RAI14: variants seen among roughly 807,000 people sequenced by gnomAD.
RAI14 encodes retinoic acid induced 14.
Under a neutral mutation model 115.4 loss-of-function variants are expected in RAI14, and 45 were observed. The ratio of observed to expected loss-of-function variants is 0.39; its 90% CI spans 0.31 to 0.50. The LOEUF is 0.50. Ranked by LOEUF, RAI14 falls within the 20% of genes least tolerant of loss-of-function variation. The pLI is 0.85. For synonymous variants in RAI14, 371 were observed against 415.4 expected, an observed-to-expected ratio of 0.89 and a Z score of 1.30; for missense variants, 939 against 1,131.2, an observed-to-expected ratio of 0.83 and a Z score of 2.44.
At chr5:34,755,231 C>T (rs998079246) in intron 2 of RAI14, among the ~76,000 whole-genome samples, 2 of 152,058 alleles carry the variant, frequency 1.3e-5, no homozygotes, top group African/African-American at 2.4e-5. Context: ...GTGTGAGGAA[C>T]GCCATATTTC....
At chr5:34,787,099 C>A (rs1463446619) in intron 3 of RAI14, among the ~76,000 whole-genome samples, 1 of 152,186 alleles carries the variant, frequency 6.6e-6, no homozygotes, top group African/African-American at 2.4e-5. Flanking sequence ...GTTCCTTACC[C>A]TCATTCCGGT....
rs192611966 is a variant in RAI14 at position 34,760,872 on chromosome 5, G to A, written c.167+3274G>A. ...TTCTAATCAACCCAAAGAAAACCCC[G>A]AACCCATTAGGGAGAAACTCCCCAA... On this transcript the variant is annotated intron_variant, in intron 3 of 17. Transcript: ENST00000265109. Among the ~76,000 whole-genome samples the A allele has an allele frequency of 3.1e-3, 468 of 152,070 alleles. 1 individual carries two copies. Among genetic ancestry groups the A allele is most frequent in the Non-Finnish European group, 4.4e-3 (297 of 67,984 alleles).
At chr5:34,661,969 T>A (rs1301243169) in intron 1 of RAI14, among the ~76,000 whole-genome samples, 4 of 152,218 alleles carry the variant, frequency 2.6e-5, no homozygotes. Context: ...TTTTACTTTT[T>A]ACAAAGACAA....
chr5:34,740,376 G>T (rs913326305), intron 2 of RAI14, among the ~76,000 whole-genome samples: 3 of 152,130 alleles, frequency 2.0e-5, no homozygotes, highest in African/African-American at 7.2e-5. Context: ...CCTGCTTTTG[G>T]TGATTTGTGT....
intron 1 of RAI14, among the ~76,000 whole-genome samples, chr5:34,667,005 A>G (rs898564846): frequency 5.3e-5 from 8 of 151,956 alleles, no homozygotes; most frequent in African/African-American, 1.9e-4. Context: ...GGTGGGAGGG[A>G]ATTCTTTTCA....
In RAI14 at chr5:34,686,937, G is replaced by A. The variant is rs570877286; in HGVS notation, c.18G>A (p.Ala6=). 33 of 1,613,648 alleles carry A rather than the reference G, an allele frequency of 2.0e-5. No individual in the cohort carries two copies. The highest frequency in any genetic ancestry group is 2.5e-5 in the Non-Finnish European group (30 of 1,179,850). The change falls in exon 2 of 18, where the codon GCG becomes GCA. Residue 6 remains alanine, a synonymous_variant. Transcript: ENST00000265109. ...CACTAAACATGAAGAGCTTGAAAGC[G>A]AAGTTCAGGAAGAGTGACGTGAGTA... MKSLK[A]KFRKSDTNEW...
At chr5:34,743,468 T>A (rs1388826733) in intron 2 of RAI14, among the ~76,000 whole-genome samples, 1 of 152,212 alleles carries the variant, frequency 6.6e-6, no homozygotes, top group Non-Finnish European at 1.5e-5. Context: ...AATAATTTAA[T>A]CTCTAGAACC....
At chr5:34,678,978 C>A (rs972212324) in intron 1 of RAI14, among the ~76,000 whole-genome samples, 1 of 152,242 alleles carries the variant, frequency 6.6e-6, no homozygotes, top group Non-Finnish European at 1.5e-5. Flanking sequence ...TAAACTCCAG[C>A]ACTCAGGCTG....
chr5:34,752,929 A>G (rs1311942694), intron 2 of RAI14, among the ~76,000 whole-genome samples: 1 of 151,818 alleles, frequency 6.6e-6, no homozygotes, highest in African/African-American at 2.4e-5. Context: ...CACCGTGCCC[A>G]GTCCAGAAAT....
Position 34,782,461 on chromosome 5 carries a change from A to C in RAI14, c.168-13478A>C, listed in dbSNP as rs114279828. Among the ~76,000 whole-genome samples, 1,295 of 152,260 alleles carry C rather than the reference A, an allele frequency of 8.5e-3. 18 individuals carry two copies. Among genetic ancestry groups the C allele is most frequent in the African/African-American group, 0.03 (1,242 of 41,568 alleles). On this transcript the variant is annotated intron_variant, in intron 3 of 17. Transcript: ENST00000265109. ...GCATTTTAATGGGTTACTAGCTCCT[A>C]ATGTGTCTGCAGCTCCTTCAAGCAC...
intron 2 of RAI14, among the ~76,000 whole-genome samples, chr5:34,710,752 G>A (rs1250573746): frequency 2.6e-5 from 4 of 151,554 alleles, no homozygotes; most frequent in Non-Finnish European, 5.9e-5. Context: ...TCTTGCAGGT[G>A]ATTCTTATCA....
Position 34,829,734 on chromosome 5 carries a change from A to G in RAI14, c.2802A>G (p.Glu934=), listed in dbSNP as rs200050275. 1 of 1,608,676 alleles carries G rather than the reference A, an allele frequency of 6.2e-7. No homozygotes were observed. Among genetic ancestry groups the G allele is most frequent in the East Asian group, 2.2e-5 (1 of 44,816 alleles). The change falls in exon 17 of 18, where the codon GAA becomes GAG. Residue 934 remains glutamate (E), a splice_region_variant and synonymous_variant. Transcript: ENST00000265109. The part of the protein sequence containing the change: ...QVKQLQNQLA[E]CKKQHQEVIS... ...AATGTGAAATATTCCCTTTCTAGGA[A>G]TGCAAGAAACAACACCAGGAGGTCA...
At chr5:34,764,678 A>G (rs984088750) in intron 3 of RAI14, among the ~76,000 whole-genome samples, 5 of 152,294 alleles carry the variant, frequency 3.3e-5, no homozygotes, top group Admixed American at 6.5e-5. Context: ...ATTATATTAA[A>G]GTAACAATTC....
At chr5:34,797,501 A>G (rs990808043) in intron 4 of RAI14, among the ~76,000 whole-genome samples, 5 of 152,106 alleles carry the variant, frequency 3.3e-5, no homozygotes, top group African/African-American at 1.2e-4. Context: ...CAGGTGAATG[A>G]TGTTTCAAAC....
chr5:34,754,471 T>A lies in RAI14; in HGVS notation c.37-2997T>A, dbSNP rs1580143387. On this transcript the variant is annotated intron_variant, in intron 2 of 17. Coordinates refer to ENST00000265109, the MANE Select transcript of RAI14 (RefSeq NM_015577.3). ...GAGTGGTCTCGAACTCAAGCAATCC[T>A]TCTGCTTTGGCCTCCCCAGTAGCTG... 2.0e-5 allele frequency among the ~76,000 whole-genome samples: 3 copies of A among 152,248 alleles called. 1 individual carries two copies. In the East Asian group the frequency reaches 5.8e-4, roughly 29 times the overall value.
At chr5:34,721,909 A>G (rs1444509437) in intron 2 of RAI14, among the ~76,000 whole-genome samples, 1 of 152,030 alleles carries the variant, frequency 6.6e-6, no homozygotes, top group African/African-American at 2.4e-5. Flanking sequence ...GGGTTTCACC[A>G]TGTTGGCCAG....
intron 2 of RAI14, among the ~76,000 whole-genome samples, chr5:34,721,818 C>T (rs1400359338): frequency 6.6e-6 from 1 of 152,156 alleles, no homozygotes; most frequent in Admixed American, 6.5e-5. Flanking sequence ...TCAAGCGGTT[C>T]TCCTGACTCA....
chr5:34,658,673 T>G (rs1742462469), intron 1 of RAI14, among the ~76,000 whole-genome samples: 1 of 151,986 alleles, frequency 6.6e-6, no homozygotes, highest in African/African-American at 2.4e-5. Context: ...TGGCACGCAC[T>G]TGTAATCCCA....
At chr5:34,764,882 A>T (rs1749145663) in intron 3 of RAI14, among the ~76,000 whole-genome samples, 1 of 152,114 alleles carries the variant, frequency 6.6e-6, no homozygotes, top group African/African-American at 2.4e-5. Context: ...CCCAAATCTC[A>T]TCTTGAATTG....
Sources: allele counts gnomAD v4.1 joint callset (sites outside exome capture counted in the v4.1 genomes callset), GRCh38; gene constraint gnomAD v4.1.1; transcripts MANE v1.5; gene names NCBI Gene and HGNC (gene_info 2026-07-23, HGNC 2026-07-21).